Variants in GRK3 observed in about 807,000 individuals in gnomAD.
GRK3 encodes G protein-coupled receptor kinase 3.
GRK3 carries 54 observed loss-of-function variants against 95.7 expected under a neutral mutation model. The ratio of observed to expected loss-of-function variants is 0.56; its 90% CI spans 0.45 to 0.71. The LOEUF (loss-of-function observed/expected upper bound fraction) is 0.71. GRK3 is among the 30% of genes least tolerant of loss of function. GRK3 has a pLI of 0.00. For synonymous variants in GRK3, 281 were observed against 290.8 expected (o/e 0.97, Z 0.34); for missense variants, 649 against 851.2 (o/e 0.76, Z 2.96).
chr22:25,603,605 A>G (rs897169943), intron 1 of GRK3, among the ~76,000 whole-genome samples: 1 of 152,178 alleles, frequency 6.6e-6, no homozygotes, highest in Middle Eastern at 3.2e-3. Flanking sequence ...TTTTGTATAA[A>G]TTTTAGAAAT....
intron 1 of GRK3, among the ~76,000 whole-genome samples, chr22:25,587,802 G>A (rs544734076): frequency 2.9e-4 from 44 of 152,306 alleles, no homozygotes; most frequent in African/African-American, 8.9e-4. Flanking sequence ...GGGGAAACCC[G>A]TTTCGCTTGG....
At position 25,674,548 on chromosome 22, in the gene GRK3, A is replaced by G. The variant is rs767686315; in HGVS notation, c.647+20A>G. 2.0e-6 allele frequency: 3 copies of G among 1,523,998 alleles called. No individual in the cohort carries two copies. The South Asian group carries it at 3.4e-5, about 17-fold the overall frequency. The allele number at this position is 1,523,998 out of a possible 1,614,324, so 94.4% of individuals were successfully genotyped here. ...AAAAATGTAAGCTTTCAATGCTCTT[A>G]TGTTTTACTGGCACTATTAAAATTT... is the stretch of plus-strand genomic sequence containing the variant. On this transcript the variant is annotated intron_variant, in intron 8 of 20. Coordinates refer to ENST00000324198, the MANE Select transcript of GRK3 (RefSeq NM_005160.4).
intron 2 of GRK3, among the ~76,000 whole-genome samples, chr22:25,620,004 TTTTGTGTGTGTGTGTGTGTGTGTGTGTG>T (rs1218880212): frequency 3.3e-5 from 4 of 120,460 alleles, no homozygotes; most frequent in African/African-American, 1.2e-4. Context: ...CCTTTGTCTT[TTTTGTGTGTGTGTGTGTGTGTGTGTGTG>T]TGTGTGTGTG....
At chr22:25,586,085 A>G (rs1040607421) in intron 1 of GRK3, among the ~76,000 whole-genome samples, 3 of 152,234 alleles carry the variant, frequency 2.0e-5, no homozygotes, top group African/African-American at 7.2e-5. Context: ...ACTGACATGA[A>G]TATGCTTATA....
chr22:25,637,542 T>G (rs904567484), intron 2 of GRK3, among the ~76,000 whole-genome samples: 1 of 152,240 alleles, frequency 6.6e-6, no homozygotes, highest in African/African-American at 2.4e-5. Context: ...AAAGCTGCCA[T>G]GAAGATTCCC....
chr22:25,671,318 C>T (rs566354445), intron 6 of GRK3, among the ~76,000 whole-genome samples: 423 of 152,236 alleles, frequency 2.8e-3, no homozygotes, highest in African/African-American at 9.7e-3. Flanking sequence ...TCAGCCTGGG[C>T]GACAGAGTGA....
chr22:25,590,650 T>C (rs1440862344), intron 1 of GRK3, among the ~76,000 whole-genome samples: 1 of 152,046 alleles, frequency 6.6e-6, no homozygotes, highest in Non-Finnish European at 1.5e-5. Flanking sequence ...TGAAACCTTA[T>C]CTCTACTAAA....
chr22:25,573,538 A>G (rs1013784878), intron 1 of GRK3, among the ~76,000 whole-genome samples: 5 of 152,224 alleles, frequency 3.3e-5, no homozygotes, highest in African/African-American at 1.2e-4. Flanking sequence ...TTAGACAATT[A>G]TGGACTAAAA....
chr22:25,693,256 A>G (rs563178329), intron 12 of GRK3, among the ~76,000 whole-genome samples: 18 of 152,342 alleles, frequency 1.2e-4, no homozygotes, highest in African/African-American at 4.1e-4. Context: ...GTCAGGAAGC[A>G]TTAGCAGCTG....
In GRK3 at chr22:25,723,722, T is replaced by A. The variant is rs1466489867; in HGVS notation, c.*1272T>A. 6.6e-6 allele frequency: 1 copy of A among 152,370 alleles called. No individual in the cohort carries two copies. Among genetic ancestry groups the A allele is most frequent in the East Asian group, 1.9e-4 (1 of 5,180 alleles). 9.4% of individuals were successfully genotyped at this position (152,370 alleles called of 1,614,324 possible). ...CAAATCCACGTATTTGTCCCATTCT[T>A]GGAGTAGTTTTAGTGTATGTCTTTA... On this transcript the variant is annotated 3_prime_UTR_variant, in exon 21 of 21. Transcript: ENST00000324198.
intron 12 of GRK3, among the ~76,000 whole-genome samples, chr22:25,690,836 C>T (rs181279788): frequency 2.0e-5 from 3 of 151,952 alleles, no homozygotes; most frequent in African/African-American, 7.2e-5. Flanking sequence ...AAATCATCTG[C>T]TTGCAGTTTA....
chr22:25,610,976 C>T (rs1337974134), intron 2 of GRK3, among the ~76,000 whole-genome samples: 2 of 152,166 alleles, frequency 1.3e-5, no homozygotes, highest in Non-Finnish European at 2.9e-5. Context: ...ATTCTCGTGC[C>T]TCAGCCTCCT....
intron 8 of GRK3, among the ~76,000 whole-genome samples, chr22:25,678,607 A>G (rs1419855894): frequency 6.6e-6 from 1 of 152,274 alleles, no homozygotes; most frequent in Admixed American, 6.5e-5. Flanking sequence ...CTATCCATTT[A>G]ATGATACAAA....
intron 1 of GRK3, among the ~76,000 whole-genome samples, chr22:25,576,056 G>A (rs1931879978): frequency 6.6e-6 from 1 of 152,166 alleles, no homozygotes; most frequent in African/African-American, 2.4e-5. Flanking sequence ...TCCCAAAAGT[G>A]CGCTAACTCA....
At chr22:25,669,052 A>G (rs1377199151) in intron 6 of GRK3, among the ~76,000 whole-genome samples, 2 of 152,126 alleles carry the variant, frequency 1.3e-5, no homozygotes, top group African/African-American at 4.8e-5. Flanking sequence ...ATTATTTTTA[A>G]AGTTGATTTG....
At chr22:25,694,165 C>A (rs1238533404) in intron 12 of GRK3, among the ~76,000 whole-genome samples, 1 of 152,104 alleles carries the variant, frequency 6.6e-6, no homozygotes, top group Non-Finnish European at 1.5e-5. Context: ...GTATGTGGCC[C>A]CATGACGTTT....
chr22:25,685,845 C>A (rs1353662977), intron 10 of GRK3, among the ~76,000 whole-genome samples: 1 of 149,350 alleles, frequency 6.7e-6, no homozygotes, highest in Non-Finnish European at 1.5e-5. Context: ...ATAAAGCATA[C>A]AATTCACAAC....
intron 2 of GRK3, among the ~76,000 whole-genome samples, chr22:25,625,038 TC>T (rs1189277894): frequency 4.6e-5 from 7 of 151,722 alleles, no homozygotes; most frequent in African/African-American, 1.7e-4. Flanking sequence ...TGCCTCGGCC[TC>T]CCAAGTAGCT....
At chr22:25,635,540 A>T (rs2084694316) in intron 2 of GRK3, among the ~76,000 whole-genome samples, 1 of 152,148 alleles carries the variant, frequency 6.6e-6, no homozygotes, top group Admixed American at 6.5e-5. Context: ...TTTCCTTCTC[A>T]TACCTTTAGT....
Sources: gnomAD v4.1 joint callset for allele counts (sites outside exome capture counted in the v4.1 genomes callset) on GRCh38, gnomAD v4.1.1 for gene constraint, MANE v1.5 for transcripts, NCBI Gene and HGNC (gene_info 2026-07-23, HGNC 2026-07-21) for gene names.